Variants in KCNIP1 observed in about 807,000 individuals in gnomAD.
KCNIP1 encodes the protein A-type potassium channel modulatory protein KCNIP1.
Under a neutral mutation model 33.0 loss-of-function variants are expected in KCNIP1, and 18 were observed. The ratio of observed to expected loss-of-function variants is 0.55; its 90% CI spans 0.38 to 0.81. The LOEUF (loss-of-function observed/expected upper bound fraction) is 0.81. KCNIP1 is among the 30% of genes least tolerant of loss of function. The probability of loss-of-function intolerance (pLI) is 0.00; values close to 1 mark genes in which losing one functional copy is unlikely to be tolerated. For missense variants in KCNIP1, 238 were observed against 271.6 expected (o/e 0.88, Z 0.87); for synonymous variants, 93 against 98.3 (o/e 0.95, Z 0.32).
intron 1 of KCNIP1, among the ~76,000 whole-genome samples, chr5:170,441,736 GGT>G (rs367698496): frequency 2.6e-5 from 4 of 152,118 alleles, no homozygotes; most frequent in African/African-American, 9.6e-5. Flanking sequence ...GAGGTCACGA[GGT>G]CAGAAGATGG....
At chr5:170,611,857 A>AC (rs545153698) in intron 1 of KCNIP1, among the ~76,000 whole-genome samples, 19 of 152,354 alleles carry the variant, frequency 1.2e-4, no homozygotes, top group African/African-American at 4.6e-4. Flanking sequence ...ATGACAGTCT[A>AC]CCACACCTAT....
chr5:170,572,490 G>A (rs753854918), intron 1 of KCNIP1, among the ~76,000 whole-genome samples: 6 of 152,072 alleles, frequency 3.9e-5, no homozygotes, highest in Non-Finnish European at 8.8e-5. Context: ...AGCGCCAAAG[G>A]AAAAATATTT....
intron 1 of KCNIP1, among the ~76,000 whole-genome samples, chr5:170,433,423 A>G (rs551349290): frequency 3.3e-5 from 5 of 152,238 alleles, no homozygotes; most frequent in African/African-American, 1.2e-4. Flanking sequence ...CTGACCTCAG[A>G]TGATCCGCCC....
intron 1 of KCNIP1, among the ~76,000 whole-genome samples, chr5:170,541,150 C>A (rs549069465): frequency 4.6e-5 from 7 of 152,256 alleles, no homozygotes; most frequent in African/African-American, 1.7e-4. Context: ...CTTGGTTTCC[C>A]ATCTATAAAA....
At chr5:170,564,036 T>G (rs770428094) in intron 1 of KCNIP1, among the ~76,000 whole-genome samples, 1 of 152,162 alleles carries the variant, frequency 6.6e-6, no homozygotes, top group Non-Finnish European at 1.5e-5. Context: ...CCAACCACCC[T>G]ACGTCCTCTT....
chr5:170,474,022 C>T (rs1412748202), intron 1 of KCNIP1, among the ~76,000 whole-genome samples: 3 of 152,154 alleles, frequency 2.0e-5, no homozygotes, highest in African/African-American at 7.2e-5. Flanking sequence ...AGGAATCTGC[C>T]ACAGCAAAAT....
chr5:170,473,337 C>CAGTATTAG (rs1756779224), intron 1 of KCNIP1, among the ~76,000 whole-genome samples: 1 of 152,154 alleles, frequency 6.6e-6, no homozygotes, highest in Non-Finnish European at 1.5e-5. Flanking sequence ...AGTTGCTGTA[C>CAGTATTAG]TTGTTACTAA....
intron 1 of KCNIP1, among the ~76,000 whole-genome samples, chr5:170,689,890 T>A (rs772478541): frequency 3.9e-5 from 6 of 152,220 alleles, no homozygotes; most frequent in Non-Finnish European, 7.3e-5. Flanking sequence ...ATGATCTTTT[T>A]AAAATGTTCA....
At chr5:170,596,533 A>G (rs1335338944) in intron 1 of KCNIP1, among the ~76,000 whole-genome samples, 1 of 152,220 alleles carries the variant, frequency 6.6e-6, no homozygotes. Context: ...ATGGCACAAT[A>G]GAGGAAACAC....
chr5:170,629,780 A>T (rs1351660459), intron 1 of KCNIP1, among the ~76,000 whole-genome samples: 1 of 152,310 alleles, frequency 6.6e-6, no homozygotes, highest in Non-Finnish European at 1.5e-5. Context: ...AAGGGCACCA[A>T]ATGCATGCCC....
intron 1 of KCNIP1, among the ~76,000 whole-genome samples, chr5:170,487,740 A>G (rs1757128807): frequency 6.6e-6 from 1 of 151,496 alleles, no homozygotes; most frequent in African/African-American, 2.4e-5. Flanking sequence ...CTGGTCTCGA[A>G]CTCCTGGGCT....
chr5:170,360,999 C>T (rs1327228890), intron 1 of KCNIP1, among the ~76,000 whole-genome samples: 1 of 152,216 alleles, frequency 6.6e-6, no homozygotes, highest in Non-Finnish European at 1.5e-5. Context: ...ACAGCAGTGA[C>T]CAGCCAGAAC....
At chr5:170,379,780 C>G (rs1764164577) in intron 1 of KCNIP1, among the ~76,000 whole-genome samples, 1 of 152,062 alleles carries the variant, frequency 6.6e-6, no homozygotes, top group Non-Finnish European at 1.5e-5. Flanking sequence ...AAGACTTTAT[C>G]TCTACAAAAA....
intron 1 of KCNIP1, among the ~76,000 whole-genome samples, chr5:170,475,996 G>T (rs778496869): frequency 6.6e-6 from 1 of 151,284 alleles, no homozygotes; most frequent in Non-Finnish European, 1.5e-5. Context: ...TTGAAACAGG[G>T]TCTCACTCTG....
At chr5:170,723,094 G>A (rs151122178) in intron 5 of KCNIP1, among the ~76,000 whole-genome samples, 1 of 152,290 alleles carries the variant, frequency 6.6e-6, no homozygotes, top group Non-Finnish European at 1.5e-5. Flanking sequence ...ACTTGTTTCA[G>A]TGTGAAGAGT....
At chr5:170,678,049 G>A (rs1287543415) in intron 1 of KCNIP1, among the ~76,000 whole-genome samples, 1 of 152,130 alleles carries the variant, frequency 6.6e-6, no homozygotes, top group Admixed American at 6.5e-5. Flanking sequence ...GCCCCAATTA[G>A]GGCAAACATT....
chr5:170,645,580 G>T (rs1561739260), intron 1 of KCNIP1, among the ~76,000 whole-genome samples: 1 of 152,162 alleles, frequency 6.6e-6, no homozygotes, highest in Admixed American at 6.5e-5. Flanking sequence ...CAGAAAGTCA[G>T]TCAAGGCATA....
chr5:170,418,755 TTGTTCACACTG>T (rs1755398401), intron 1 of KCNIP1, among the ~76,000 whole-genome samples: 1 of 152,166 alleles, frequency 6.6e-6, no homozygotes, highest in Non-Finnish European at 1.5e-5. Flanking sequence ...CTCCTAGCCT[TTGTTCACACTG>T]GGTTCTCTGC....
At chr5:170,545,347 T>C (rs558504127) in intron 1 of KCNIP1, among the ~76,000 whole-genome samples, 11 of 152,350 alleles carry the variant, frequency 7.2e-5, no homozygotes, top group African/African-American at 2.6e-4. Context: ...TGTGTAGTTA[T>C]GATTTTCTTT....
Sources: allele counts gnomAD v4.1 joint callset (sites outside exome capture counted in the v4.1 genomes callset), GRCh38; gene constraint gnomAD v4.1.1; transcripts MANE v1.5; gene names NCBI Gene and HGNC (gene_info 2026-07-23, HGNC 2026-07-21).